The following TMC1 variants were observed in gnomAD, a reference collection of about 807,000 sequenced individuals.
TMC1 encodes the protein transmembrane channel-like protein 1.
Under a neutral mutation model 105.8 loss-of-function variants are expected in TMC1, and 84 were observed. That is an observed-to-expected ratio of 0.79 (90% CI 0.67 to 0.95). The LOEUF (loss-of-function observed/expected upper bound fraction) is 0.95. TMC1 is among the 40% of genes least tolerant of loss of function. The pLI is 0.00. For synonymous variants in TMC1, 315 were observed against 311.5 expected (o/e 1.01, Z -0.12); for missense variants, 817 against 914.1 (o/e 0.89, Z 1.37).
At chr9:72,589,535 G>A (rs1265870876) in intron 2 of TMC1, among the ~76,000 whole-genome samples, 2 of 152,164 alleles carry the variant, frequency 1.3e-5, no homozygotes, top group Non-Finnish European at 2.9e-5. Flanking sequence ...TCTGGTTGGG[G>A]TTCATTTGGC....
intron 5 of TMC1, among the ~76,000 whole-genome samples, chr9:72,652,054 A>G (rs1362259923): frequency 1.3e-5 from 2 of 152,156 alleles, no homozygotes; most frequent in Non-Finnish European, 2.9e-5. Context: ...ATAGTCTCCA[A>G]TTCATGCCAA....
intron 2 of TMC1, among the ~76,000 whole-genome samples, chr9:72,599,592 G>C (rs1023736834): frequency 5.3e-5 from 8 of 150,892 alleles, no homozygotes; most frequent in Non-Finnish European, 7.4e-5. Context: ...TTTTGTTTTT[G>C]GTGAGACAGA....
At chr9:72,562,847 C>T (rs1311051753) in intron 1 of TMC1, among the ~76,000 whole-genome samples, 2 of 151,916 alleles carry the variant, frequency 1.3e-5, no homozygotes, top group Admixed American at 6.6e-5. Context: ...CTGGGTGTGG[C>T]GGCAGACGCC....
At chr9:72,780,141 AT>A (rs2118151473) in intron 13 of TMC1, among the ~76,000 whole-genome samples, 1 of 152,326 alleles carries the variant, frequency 6.6e-6, no homozygotes, top group Non-Finnish European at 1.5e-5. Flanking sequence ...TCAACTAAGA[AT>A]TTCATATCGA....
At chr9:72,580,814 A>T (rs1824463431) in intron 2 of TMC1, among the ~76,000 whole-genome samples, 1 of 152,226 alleles carries the variant, frequency 6.6e-6, no homozygotes, top group Admixed American at 6.5e-5. Flanking sequence ...CTTCAAAGTG[A>T]AGCAGGGTGG....
At chr9:72,552,099 T>A (rs1207170549) in intron 1 of TMC1, among the ~76,000 whole-genome samples, 2 of 152,154 alleles carry the variant, frequency 1.3e-5, no homozygotes, top group East Asian at 3.9e-4. Context: ...ACTAACACAG[T>A]GACCTTGTGT....
intron 19 of TMC1, among the ~76,000 whole-genome samples, chr9:72,819,228 A>G (rs1828833820): frequency 6.6e-6 from 1 of 152,232 alleles, no homozygotes; most frequent in South Asian, 2.1e-4. Flanking sequence ...AAGGAAAACC[A>G]CACAGGACTT....
chr9:72,702,375 C>T (rs1826660015), intron 8 of TMC1, among the ~76,000 whole-genome samples: 1 of 152,086 alleles, frequency 6.6e-6, no homozygotes, highest in Admixed American at 6.6e-5. Flanking sequence ...TCAGATCTTC[C>T]ATTTAATAGC....
At chr9:72,831,982 G>A (rs1829050234) in intron 23 of TMC1, among the ~76,000 whole-genome samples, 1 of 151,604 alleles carries the variant, frequency 6.6e-6, no homozygotes, top group Non-Finnish European at 1.5e-5. Context: ...TTGAGACCTG[G>A]TCTGGCTCTG....
At chr9:72,547,719 A>G (rs190442601) in intron 1 of TMC1, among the ~76,000 whole-genome samples, 1 of 152,354 alleles carries the variant, frequency 6.6e-6, no homozygotes, top group African/African-American at 2.4e-5. Flanking sequence ...AAAAAGAACC[A>G]AAGACTTGGA....
chr9:72,700,381 T>A, intron 7 of TMC1, 137 bp from the exon 8 acceptor site: 1 of 559,876 alleles, frequency 1.8e-6, no homozygotes, highest in Non-Finnish European at 3.0e-6. Context: ...TGAGTTCTCA[T>A]GCTTATGGGT....
intron 12 of TMC1, among the ~76,000 whole-genome samples, chr9:72,768,539 C>G (rs543471863): frequency 2.7e-4 from 41 of 152,212 alleles, no homozygotes; most frequent in Middle Eastern, 3.4e-3. Context: ...ATAGATTTGA[C>G]TTCATATATA....
chr9:72,532,471 G>A (rs1055276315), intron 1 of TMC1, among the ~76,000 whole-genome samples: 1 of 148,756 alleles, frequency 6.7e-6, no homozygotes, highest in African/African-American at 2.5e-5. Flanking sequence ...AATCTGGGAG[G>A]CAGAGGTTGC....
intron 23 of TMC1, 39 bp from the exon 24 acceptor site, chr9:72,835,912 C>CG: frequency 7.0e-7 from 1 of 1,436,376 alleles, no homozygotes; most frequent in Non-Finnish European, 9.6e-7. Context: ...TCTCTCTCTC[C>CG]TTGTTTTTTT....
intron 2 of TMC1, among the ~76,000 whole-genome samples, chr9:72,607,362 G>C (rs1175178141): frequency 6.6e-6 from 1 of 152,192 alleles, no homozygotes; most frequent in East Asian, 1.9e-4. Flanking sequence ...GCTCACGCCT[G>C]TAATCCCAGC....
intron 10 of TMC1, among the ~76,000 whole-genome samples, chr9:72,750,077 A>T (rs55747811): frequency 0.014 from 2,165 of 152,310 alleles, 61 homozygotes; most frequent in African/African-American, 0.048. Context: ...ACTGCACTCC[A>T]ACCTGGGTGA....
intron 2 of TMC1, among the ~76,000 whole-genome samples, chr9:72,603,554 G>T (rs1899937): frequency 0.16 from 24,709 of 150,930 alleles, 2,100 homozygotes; most frequent in Middle Eastern, 0.23. Context: ...GTTTAGTGTT[G>T]TTGTTGTTGT....
chr9:72,776,402 A>G (rs1828005926), intron 13 of TMC1, among the ~76,000 whole-genome samples: 1 of 152,200 alleles, frequency 6.6e-6, no homozygotes, highest in African/African-American at 2.4e-5. Context: ...ATAATAATTA[A>G]CATCTGTTGA....
chr9:72,636,157 T>A (rs193163414), intron 4 of TMC1, among the ~76,000 whole-genome samples: 4 of 152,292 alleles, frequency 2.6e-5, no homozygotes, highest in Admixed American at 2.6e-4. Context: ...ACTTTCTAAG[T>A]ATAGATGGTC....
Sources: allele counts gnomAD v4.1 joint callset (sites outside exome capture counted in the v4.1 genomes callset), GRCh38; gene constraint gnomAD v4.1.1; transcripts MANE v1.5; gene names NCBI Gene and HGNC (gene_info 2026-07-23, HGNC 2026-07-21).